Variants in KATNAL2 observed in about 807,000 individuals in gnomAD.
The protein encoded by KATNAL2 is katanin catalytic subunit A1 like 2, also known as katanin p60 ATPase-containing subunit A-like 2.
A neutral mutation model predicts 76.3 loss-of-function variants in KATNAL2; 52 were observed. The observed-to-expected ratio is 0.68, with a 90% confidence interval of 0.55 to 0.86. The LOEUF (loss-of-function observed/expected upper bound fraction) is 0.86. Ranked by LOEUF, KATNAL2 falls within the 40% of genes least tolerant of loss-of-function variation. The pLI is 0.00. For synonymous variants in KATNAL2, 243 were observed against 244.2 expected (o/e 1.00, Z 0.05); for missense variants, 660 against 668.9 (o/e 0.99, Z 0.15).
rs1262935713 is a variant in KATNAL2, at chr18:46,917,631, CCTGCCCCGGCGTG to C, written c.-796_-784del. The C allele has an allele frequency of 1.3e-4, 108 of 863,792 alleles. No homozygotes were observed. The highest frequency in any genetic ancestry group is 3.0e-4 in the Admixed American group (5 of 16,662). 53.5% of individuals were successfully genotyped at this position (863,792 alleles called of 1,614,324 possible). On this transcript the variant is annotated 5_prime_UTR_variant, in exon 1 of 18. Transcript: ENST00000683218. ...CGCGCGGCGACAGCGCCCGCCCGCG[CCTGCCCCGGCGTG>C]CTGCCCCGCGGCTTGGCCCCGCTCG...
intron 3 of KATNAL2, chr18:47,034,158 C>A: frequency 6.2e-7 from 1 of 1,614,214 alleles, no homozygotes; most frequent in Non-Finnish European, 8.5e-7. Context: ...CCATATCTAC[C>A]TCCTCCACCT....
chr18:47,044,533 C>T (rs369470266), intron 3 of KATNAL2, among the ~76,000 whole-genome samples: 141 of 143,412 alleles, frequency 9.8e-4, no homozygotes, highest in Non-Finnish European at 1.3e-3. Context: ...CCGAAGCAGG[C>T]GGATCATCTG....
rs909480462 is a variant in KATNAL2, at chr18:46,922,519, C to T, written c.-510+4593C>T. Among the ~76,000 whole-genome samples, 10 of 151,114 alleles carry T rather than the reference C, an allele frequency of 6.6e-5. No individual in the cohort carries two copies. The South Asian group carries it at 1.2e-3, about 19-fold the overall frequency. ...TAAAAAATAAAAAGTTGAGGCTGGG[C>T]GCGGTGGCTCACACCTATATTCCCA... On this transcript the variant is annotated intron_variant, in intron 1 of 17. Transcript: ENST00000683218.
intron 1 of KATNAL2, among the ~76,000 whole-genome samples, chr18:46,936,930 G>A (rs2146596870): frequency 6.6e-6 from 1 of 152,198 alleles, no homozygotes; most frequent in East Asian, 1.9e-4. Context: ...ACTCCAGCCT[G>A]GGCAACAGAG....
At chr18:46,947,056 G>C (rs1230596944) in intron 3 of KATNAL2, 133 bp downstream of exon 3, 4 of 700,468 alleles carry the variant, frequency 5.7e-6, no homozygotes, top group Non-Finnish European at 1.0e-5. Flanking sequence ...AGTGAGAGGC[G>C]CTCGGCCGAG....
intron 15 of KATNAL2, among the ~76,000 whole-genome samples, chr18:47,088,386 A>G (rs552703376): frequency 1.3e-5 from 2 of 152,304 alleles, no homozygotes; most frequent in African/African-American, 4.8e-5. Flanking sequence ...TTTAGTTGTA[A>G]GAGGGTGAAC....
intron 3 of KATNAL2, among the ~76,000 whole-genome samples, chr18:46,959,261 G>A (rs1372686075): frequency 3.3e-5 from 5 of 152,086 alleles, no homozygotes; most frequent in Non-Finnish European, 7.4e-5. Context: ...TAACTCTTAC[G>A]TTTTAAGTGC....
chr18:46,956,860 T>C (rs2059763533), intron 3 of KATNAL2, among the ~76,000 whole-genome samples: 1 of 151,864 alleles, frequency 6.6e-6, no homozygotes, highest in East Asian at 1.9e-4. Flanking sequence ...CTGACCAATA[T>C]GATGAAACCC....
chr18:47,092,812 T>C (rs1304172372), intron 15 of KATNAL2, among the ~76,000 whole-genome samples: 1 of 152,224 alleles, frequency 6.6e-6, no homozygotes, highest in Non-Finnish European at 1.5e-5. Flanking sequence ...AGTCCTTTGG[T>C]GTGGTTTACT....
intron 3 of KATNAL2, chr18:47,033,821 A>G: frequency 6.2e-7 from 1 of 1,614,172 alleles, no homozygotes; most frequent in Non-Finnish European, 8.5e-7. Context: ...GAGGTCATGG[A>G]GTCAGAATCC....
chr18:46,957,690 G>C (rs1312751311), intron 3 of KATNAL2, among the ~76,000 whole-genome samples: 1 of 149,898 alleles, frequency 6.7e-6, no homozygotes, highest in Non-Finnish European at 1.5e-5. Flanking sequence ...AGCCTCCCAA[G>C]TATCTGGGAT....
chr18:47,031,395 G>T (rs1293497554), intron 3 of KATNAL2, among the ~76,000 whole-genome samples: 1 of 151,822 alleles, frequency 6.6e-6, no homozygotes, highest in African/African-American at 2.4e-5. Context: ...AATTTCTCGT[G>T]TGACTTTTTT....
intron 15 of KATNAL2, among the ~76,000 whole-genome samples, chr18:47,090,748 T>C (rs2062966739): frequency 6.6e-6 from 1 of 152,152 alleles, no homozygotes; most frequent in South Asian, 2.1e-4. Flanking sequence ...GAAAATGGCC[T>C]GAGTAGAAAC....
chr18:47,084,185 G>C (rs1004809421), intron 15 of KATNAL2: 3 of 555,706 alleles, frequency 5.4e-6, no homozygotes, highest in African/African-American at 1.9e-5. Flanking sequence ...AACCCGCCGG[G>C]GCAACTGCTA....
intron 4 of KATNAL2, among the ~76,000 whole-genome samples, chr18:47,049,907 A>G (rs115745074): frequency 0.023 from 3,574 of 152,110 alleles, 129 homozygotes; most frequent in African/African-American, 0.082. Flanking sequence ...TTATTCATTT[A>G]TTTTTGGTAA....
chr18:47,058,406 C>A, intron 7 of KATNAL2, 54 bp downstream of exon 7: 1 of 1,007,898 alleles, frequency 9.9e-7, no homozygotes, highest in Non-Finnish European at 1.5e-6. Context: ...GAAAAATAGC[C>A]CTATGAAAAA....
At chr18:47,055,529 C>T (rs531579946) in intron 6 of KATNAL2, among the ~76,000 whole-genome samples, 3 of 152,302 alleles carry the variant, frequency 2.0e-5, no homozygotes, top group South Asian at 2.1e-4. Context: ...GTGGAGCCCA[C>T]GCACGCTCCA....
intron 11 of KATNAL2, among the ~76,000 whole-genome samples, chr18:47,067,339 A>G (rs757769449): frequency 1.3e-5 from 2 of 152,190 alleles, no homozygotes; most frequent in Non-Finnish European, 2.9e-5. Flanking sequence ...CAGGTGTCTG[A>G]GCTAAGTGAA....
chr18:46,933,893 T>C (rs1336556259), intron 1 of KATNAL2, among the ~76,000 whole-genome samples: 1 of 147,378 alleles, frequency 6.8e-6, no homozygotes, highest in African/African-American at 2.5e-5. Context: ...TGAGAACATG[T>C]GGTGTTTGGT....
Sources: gnomAD v4.1 joint callset for allele counts (sites outside exome capture counted in the v4.1 genomes callset) on GRCh38, gnomAD v4.1.1 for gene constraint, MANE v1.5 for transcripts, NCBI Gene and HGNC (gene_info 2026-07-23, HGNC 2026-07-21) for gene names.